The following COL4A1 variants were observed in gnomAD, a reference collection of about 807,000 sequenced individuals.
COL4A1 encodes collagen type IV alpha 1 chain.
Under a neutral mutation model 216.6 loss-of-function variants are expected in COL4A1, and 40 were observed. The ratio of observed to expected loss-of-function variants is 0.18; its 90% CI spans 0.14 to 0.24. COL4A1 has a LOEUF of 0.24. COL4A1 is among the 10% of genes least tolerant of loss of function. COL4A1 has a pLI of 1.00. For synonymous variants in COL4A1, 839 were observed against 810.7 expected (o/e 1.03, Z -0.59); for missense variants, 1,628 against 2,196.8 (o/e 0.74, Z 5.18).
Position 110,150,011 on chromosome 13 carries a change from G to A in COL4A1, c.*352C>T, listed in dbSNP as rs1876425404. 4 of 351,926 alleles carry A rather than the reference G, an allele frequency of 1.1e-5. No homozygotes were observed. The highest frequency in any genetic ancestry group is 7.3e-5 in the South Asian group (3 of 41,064). The allele number at this position is 351,926 out of a possible 1,614,324, so 21.8% of individuals were successfully genotyped here. ...AGAAAATTAATTATAATACAAGAAT[G>A]AAAATGGGCAAACAGTATGGAAGGC... On this transcript the variant is annotated 3_prime_UTR_variant, in exon 52 of 52. Coordinates refer to ENST00000375820, the MANE Select transcript of COL4A1 (RefSeq NM_001845.6).
At chr13:110,291,091 T>C (rs570991520) in intron 1 of COL4A1, among the ~76,000 whole-genome samples, 11 of 152,308 alleles carry the variant, frequency 7.2e-5, no homozygotes, top group African/African-American at 2.6e-4. Context: ...CTCAGGACAC[T>C]TGCAGCTCCC....
intron 45 of COL4A1, among the ~76,000 whole-genome samples, chr13:110,165,982 C>T (rs1877318399): frequency 6.6e-6 from 1 of 152,160 alleles, no homozygotes; most frequent in African/African-American, 2.4e-5. Flanking sequence ...TCAGTGAGAA[C>T]CTCGGCCACC....
At chr13:110,263,791 CTT>C (rs1882921298) in intron 1 of COL4A1, among the ~76,000 whole-genome samples, 1 of 152,158 alleles carries the variant, frequency 6.6e-6, no homozygotes, top group African/African-American at 2.4e-5. Flanking sequence ...CTTACAAACA[CTT>C]ATTAGGGCTC....
At chr13:110,305,470 C>T (rs1341544446) in intron 1 of COL4A1, among the ~76,000 whole-genome samples, 1 of 152,244 alleles carries the variant, frequency 6.6e-6, no homozygotes, top group Non-Finnish European at 1.5e-5. Context: ...GAAATGCAAA[C>T]AGCTCCTATT....
intron 1 of COL4A1, among the ~76,000 whole-genome samples, chr13:110,286,892 A>G (rs1883864729): frequency 6.6e-6 from 1 of 152,218 alleles, no homozygotes; most frequent in African/African-American, 2.4e-5. Flanking sequence ...AGTTAAACAG[A>G]ATTCGTTTCT....
At chr13:110,217,449 C>T (rs916204085) in intron 2 of COL4A1, among the ~76,000 whole-genome samples, 3 of 152,158 alleles carry the variant, frequency 2.0e-5, no homozygotes, top group Non-Finnish European at 4.4e-5. Flanking sequence ...ACAGGACCCT[C>T]GATCATCTGT....
chr13:110,197,660 A>G (rs1423406352), intron 21 of COL4A1, among the ~76,000 whole-genome samples: 8 of 152,186 alleles, frequency 5.3e-5, no homozygotes, highest in Non-Finnish European at 8.8e-5. Flanking sequence ...CCATGGCTCC[A>G]TCTAGTCCTG....
intron 1 of COL4A1, among the ~76,000 whole-genome samples, chr13:110,258,033 T>C (rs958630911): frequency 2.0e-5 from 3 of 152,240 alleles, no homozygotes; most frequent in Non-Finnish European, 4.4e-5. Context: ...CTGACATTCA[T>C]TGAATACTTA....
chr13:110,192,137 T>C (rs1466458501), intron 24 of COL4A1, 77 bp downstream of exon 24: 25 of 1,481,666 alleles, frequency 1.7e-5, no homozygotes, highest in Non-Finnish European at 2.0e-5. Context: ...TGCTTGCAAA[T>C]GCAAAACGAC....
chr13:110,290,325 C>T (rs777796507), intron 1 of COL4A1, among the ~76,000 whole-genome samples: 17 of 152,242 alleles, frequency 1.1e-4, no homozygotes, highest in Non-Finnish European at 2.5e-4. Flanking sequence ...CCAGAGGGAA[C>T]ACAATCTGTG....
At chr13:110,285,353 G>A (rs964893669) in intron 1 of COL4A1, among the ~76,000 whole-genome samples, 4 of 152,300 alleles carry the variant, frequency 2.6e-5, no homozygotes, top group Admixed American at 2.0e-4. Context: ...GACTGTCTCC[G>A]TGAATCCGTG....
chr13:110,192,361 A>G (rs1878673102), intron 23 of COL4A1, 77 bp from the exon 24 acceptor site: 1 of 1,371,134 alleles, frequency 7.3e-7, no homozygotes, highest in Non-Finnish European at 1.0e-6. Context: ...TTAAGACTCA[A>G]AAGCATAAAA....
At position 110,150,521 on chromosome 13, in the gene COL4A1, G is replaced by A. The variant is rs909853626; in HGVS notation, c.4929-77C>T. ...GAAACATGGCACTCCTGCCCTGCTC[G>A]GAAATCTCTAAGGGATCAGCCCAGC... is the stretch of plus-strand genomic sequence containing the variant. On this transcript the variant is annotated intron_variant, in intron 51 of 51. Transcript: ENST00000375820. 5.4e-5 allele frequency: 77 copies of A among 1,430,298 alleles called. 2 individuals carry two copies. In the South Asian group the frequency reaches 6.5e-4, roughly 12 times the overall value. The allele number at this position is 1,430,298 out of a possible 1,614,324, so 88.6% of individuals were successfully genotyped here.
At chr13:110,186,092 C>G (rs1878391636) in intron 26 of COL4A1, among the ~76,000 whole-genome samples, 1 of 152,184 alleles carries the variant, frequency 6.6e-6, no homozygotes, top group African/African-American at 2.4e-5. Flanking sequence ...GACTTGACCT[C>G]GGTGTGACTT....
chr13:110,157,791 T>C (rs597060), intron 49 of COL4A1, among the ~76,000 whole-genome samples: 44,070 of 152,042 alleles, frequency 0.29, 7,259 homozygotes, highest in East Asian at 0.44. Context: ...GATCAAAACA[T>C]ACAGAGACTT....
chr13:110,219,690 G>GTATATATATGTATATATGTA (rs770674866), intron 2 of COL4A1, among the ~76,000 whole-genome samples: 3 of 135,080 alleles, frequency 2.2e-5, no homozygotes, highest in African/African-American at 8.7e-5. Context: ...GTATATATAT[G>GTATATATATGTATATATGTA]TATATATATG....
chr13:110,222,341 G>T (rs376391100), intron 2 of COL4A1, among the ~76,000 whole-genome samples: 10 of 152,174 alleles, frequency 6.6e-5, no homozygotes, highest in African/African-American at 1.9e-4. Context: ...GACAGGCCCG[G>T]GCGGAGGAAC....
At position 110,201,284 on chromosome 13, in the gene COL4A1, G is replaced by A. The variant is rs1879193788; in HGVS notation, c.1084+154C>T. On this transcript the variant is annotated intron_variant, in intron 19 of 51. Coordinates refer to ENST00000375820, the MANE Select transcript of COL4A1 (RefSeq NM_001845.6). ...AGGAGAAAGAGGAGGAGGGGGAGGAGGAAGAGAAGGAGGGGGCGGAGGAAG... is the reference window on the plus strand; with the variant it reads ...AGGAGAAAGAGGAGGAGGGGGAGGAAGAAGAGAAGGAGGGGGCGGAGGAAG... 1.4e-5 allele frequency: 8 copies of A among 588,154 alleles called. No individual in the cohort carries two copies. The South Asian group carries it at 1.5e-4, about 11-fold the overall frequency. The allele number at this position is 588,154 out of a possible 1,614,324, so 36.4% of individuals were successfully genotyped here. A position where few individuals can be genotyped will look rare whatever the true frequency, so the allele number is the denominator to read the frequency against.
intron 2 of COL4A1, among the ~76,000 whole-genome samples, chr13:110,231,314 A>C (rs1881050911): frequency 6.6e-6 from 1 of 152,238 alleles, no homozygotes; most frequent in African/African-American, 2.4e-5. Flanking sequence ...GTGAGGAGGC[A>C]CAGTTGTCCA....
Sources: allele counts gnomAD v4.1 joint callset (sites outside exome capture counted in the v4.1 genomes callset), GRCh38; gene constraint gnomAD v4.1.1; transcripts MANE v1.5; gene names NCBI Gene and HGNC (gene_info 2026-07-23, HGNC 2026-07-21).